KSR2: variants seen among roughly 807,000 people sequenced by gnomAD.
KSR2 encodes the protein kinase suppressor of ras 2.
In KSR2, 25 loss-of-function variants were observed where a neutral mutation model predicts 107.8. The ratio of observed to expected loss-of-function variants is 0.23; its 90% confidence interval spans 0.17 to 0.32. KSR2 has a LOEUF of 0.32. Among genes scored for constraint, KSR2 ranks in the 10% least tolerant of loss-of-function variants. KSR2 has a pLI of 1.00. For synonymous variants in KSR2, 480 were observed against 507.0 expected (o/e 0.95, Z 0.71); for missense variants, 887 against 1,268.9 (o/e 0.70, Z 4.57).
chr12:117,497,826 G>A (rs1160105481), intron 14 of KSR2, among the ~76,000 whole-genome samples: 2 of 152,186 alleles, frequency 1.3e-5, no homozygotes, highest in African/African-American at 2.4e-5. Flanking sequence ...TTGCTTTGGA[G>A]ACTCCCTAGC....
intron 1 of KSR2, among the ~76,000 whole-genome samples, chr12:117,869,628 G>C (rs2137279024): frequency 6.6e-6 from 1 of 152,164 alleles, no homozygotes; most frequent in Admixed American, 6.5e-5. Context: ...ATGCACTTTT[G>C]TGCACTTGCT....
At chr12:117,858,852 G>C (rs973742842) in intron 2 of KSR2, among the ~76,000 whole-genome samples, 1 of 152,204 alleles carries the variant, frequency 6.6e-6, no homozygotes, top group African/African-American at 2.4e-5. Context: ...AGGTCATTGC[G>C]AGGAGGCTGA....
At chr12:117,803,857 C>A (rs1006695704) in intron 3 of KSR2, among the ~76,000 whole-genome samples, 10 of 152,142 alleles carry the variant, frequency 6.6e-5, no homozygotes, top group Non-Finnish European at 1.2e-4. Flanking sequence ...TACACTGGGG[C>A]TCAGAGAGGT....
chr12:117,955,531 AG>A (rs1193420100), intron 1 of KSR2, among the ~76,000 whole-genome samples: 8 of 152,292 alleles, frequency 5.3e-5, no homozygotes, highest in African/African-American at 1.9e-4. Context: ...CTCACCTCAG[AG>A]CTCAAGCCCT....
intron 4 of KSR2, among the ~76,000 whole-genome samples, chr12:117,687,561 C>T (rs1885626586): frequency 6.6e-6 from 1 of 152,120 alleles, no homozygotes; most frequent in Non-Finnish European, 1.5e-5. Context: ...TGTAATTATT[C>T]CTGCTCAGCC....
In KSR2 at chr12:117,458,516, C is replaced by T. The variant is rs1038388829; in HGVS notation, c.*8683G>A. 1 of 152,114 alleles carries T rather than the reference C, an allele frequency of 6.6e-6. No homozygotes were observed. Among genetic ancestry groups the T allele is most frequent in the African/African-American group, 2.4e-5 (1 of 41,408 alleles). The allele number at this position is 152,114 out of a possible 1,614,324, so 9.4% of individuals were successfully genotyped here. A position where few individuals can be genotyped will look rare whatever the true frequency, so the allele number is the denominator to read the frequency against. On this transcript the variant is annotated 3_prime_UTR_variant, in exon 20 of 20. Coordinates refer to ENST00000339824, the MANE Select transcript of KSR2 (RefSeq NM_173598.6). The stretch of plus-strand genomic sequence containing the variant: ...AGCATGTTGGCATAAACAAGTGCTG[C>T]CCGCTCAATGGAGGGAGGGAGCCTT...
chr12:117,494,554 T>A (rs1872921103), intron 14 of KSR2, among the ~76,000 whole-genome samples: 1 of 152,170 alleles, frequency 6.6e-6, no homozygotes, highest in Non-Finnish European at 1.5e-5. Flanking sequence ...CCAGAGGTCA[T>A]CTCTTAAGTT....
rs568134035 is a variant in KSR2 at position 117,739,221 on chromosome 12, A to G, written c.986+21790T>C. ...ATACAAAAAATTAGCCGGGCGTGGT[A>G]GCGGGCGCCTGTAGTCCCAGCTACT... On this transcript the variant is annotated intron_variant, in intron 4 of 19. Coordinates refer to ENST00000339824, the MANE Select transcript of KSR2 (RefSeq NM_173598.6). Among the ~76,000 whole-genome samples, 312 of 151,728 alleles carry G rather than the reference A, an allele frequency of 2.1e-3. 1 individual carries two copies. Among genetic ancestry groups the G allele is most frequent in the South Asian group, 7.1e-3 (34 of 4,780 alleles).
chr12:117,680,210 G>A (rs1885310981), intron 4 of KSR2, among the ~76,000 whole-genome samples: 2 of 152,184 alleles, frequency 1.3e-5, no homozygotes, highest in Non-Finnish European at 1.5e-5. Context: ...GTATGCCACT[G>A]TGACTGGGTT....
intron 4 of KSR2, among the ~76,000 whole-genome samples, chr12:117,668,569 G>T (rs949494654): frequency 2.0e-5 from 3 of 152,128 alleles, no homozygotes; most frequent in Non-Finnish European, 4.4e-5. Flanking sequence ...CACTATTCTG[G>T]GGCCAGACTC....
chr12:117,829,587 C>A (rs947496402), intron 3 of KSR2, among the ~76,000 whole-genome samples: 2 of 152,180 alleles, frequency 1.3e-5, no homozygotes, highest in Non-Finnish European at 2.9e-5. Context: ...GCACTCACAT[C>A]AGAAACTGAT....
chr12:117,906,082 G>A (rs1894834051), intron 1 of KSR2, among the ~76,000 whole-genome samples: 1 of 152,156 alleles, frequency 6.6e-6, no homozygotes, highest in South Asian at 2.1e-4. Flanking sequence ...CGGGTACAGT[G>A]GCTCACACCT....
At chr12:117,553,017 G>A (rs778418305) in intron 9 of KSR2, among the ~76,000 whole-genome samples, 9 of 152,300 alleles carry the variant, frequency 5.9e-5, no homozygotes, top group South Asian at 2.1e-4. Flanking sequence ...ATTGTCGTAC[G>A]CCACTAAGTT....
chr12:117,550,208 G>A (rs536411469), intron 9 of KSR2, among the ~76,000 whole-genome samples: 1 of 152,328 alleles, frequency 6.6e-6, no homozygotes, highest in South Asian at 2.1e-4. Context: ...GAGTCACACA[G>A]AGCATTAGTG....
At chr12:117,547,676 C>T (rs984743933) in intron 9 of KSR2, among the ~76,000 whole-genome samples, 7 of 152,164 alleles carry the variant, frequency 4.6e-5, no homozygotes, top group Non-Finnish European at 7.3e-5. Context: ...TCTTGCTAAG[C>T]TGTCCCTTTC....
chr12:117,681,256 C>T (rs150676772), intron 4 of KSR2, among the ~76,000 whole-genome samples: 2 of 152,188 alleles, frequency 1.3e-5, no homozygotes, highest in African/African-American at 4.8e-5. Context: ...GGTGGCAAGG[C>T]CAGAACCCAT....
intron 4 of KSR2, among the ~76,000 whole-genome samples, chr12:117,704,737 T>C (rs1886454889): frequency 6.6e-6 from 1 of 151,978 alleles, no homozygotes; most frequent in Non-Finnish European, 1.5e-5. Flanking sequence ...CACACGCTTG[T>C]AGTCTCAGCT....
At chr12:117,905,418 G>T (rs1194720051) in intron 1 of KSR2, among the ~76,000 whole-genome samples, 1 of 151,978 alleles carries the variant, frequency 6.6e-6, no homozygotes, top group African/African-American at 2.4e-5. Context: ...AAAATGTTTT[G>T]CCCGCGGACT....
chr12:117,478,856 T>G (rs1357436418), intron 16 of KSR2, among the ~76,000 whole-genome samples: 1 of 152,236 alleles, frequency 6.6e-6, no homozygotes, highest in Non-Finnish European at 1.5e-5. Flanking sequence ...TATTAAGAAA[T>G]GCATTTTTAA....
Sources: allele counts gnomAD v4.1 joint callset (sites outside exome capture counted in the v4.1 genomes callset), GRCh38; gene constraint gnomAD v4.1.1; transcripts MANE v1.5; gene names NCBI Gene and HGNC (gene_info 2026-07-23, HGNC 2026-07-21).